Variants in VPS13D observed in about 807,000 individuals in gnomAD.
The protein encoded by VPS13D is vacuolar protein sorting 13 homolog D, also known as intermembrane lipid transfer protein VPS13D.
VPS13D carries 187 observed loss-of-function variants against 461.9 expected under a neutral mutation model. That is an observed-to-expected ratio of 0.40 (90% confidence interval 0.36 to 0.46). VPS13D has a LOEUF of 0.46. Among genes scored for constraint, VPS13D ranks in the 20% least tolerant of loss-of-function variants. The probability of loss-of-function intolerance (pLI) is 0.60; values close to 1 mark genes in which losing one functional copy is unlikely to be tolerated. For missense variants in VPS13D, 4,711 were observed against 5,364.9 expected (o/e 0.88, Z 3.81); for synonymous variants, 1,951 against 1,986.3 (o/e 0.98, Z 0.47).
rs1643598520 is a variant in VPS13D, at chr1:12,342,778, A to G, written c.8733-121A>G. On this transcript the variant is annotated intron_variant, in intron 41 of 69. Transcript: ENST00000620676. ...CAAGGTCATTCTTTGTAGCTAGGTC[A>G]TGCAGCCTTTTATTGCTGGGAATTG... 2.5e-6 allele frequency: 3 copies of G among 1,190,582 alleles called. No individual in the cohort carries two copies. The East Asian group carries it at 7.4e-5, about 29-fold the overall frequency. The allele number at this position is 1,190,582 out of a possible 1,614,324, so 73.8% of individuals were successfully genotyped here. A position where few individuals can be genotyped will look rare whatever the true frequency, so the allele number is the denominator to read the frequency against.
At chr1:12,294,181 TTAG>T (rs1642209263) in intron 24 of VPS13D, among the ~76,000 whole-genome samples, 1 of 152,216 alleles carries the variant, frequency 6.6e-6, no homozygotes, top group South Asian at 2.1e-4. Flanking sequence ...TCCTAACAAC[TTAG>T]TAGGTGTTTG....
chr1:12,244,564 T>C lies in VPS13D; in HGVS notation c.394T>C (p.Tyr132His). ...TGACCGCCAGCAGAAAGGGGAGTCC[T>C]ATTGGTATTCAGTTACCGCCTCCGT... ...KNDRQQKGESYWYSVTASVVT... is the reference protein window; with the variant it reads ...KNDRQQKGESHWYSVTASVVT... Residue 132 changes from tyrosine (Y) to histidine (H), a missense_variant, in exon 5 of 70, where the codon TAT (tyrosine) becomes CAT (histidine). Around this residue, in one of 3 missense-constraint regions of VPS13D, gnomAD observed 4,411 missense variants for 4,937.8 expected, o/e 0.89. Coordinates refer to ENST00000620676, the MANE Select transcript of VPS13D (RefSeq NM_015378.4). 1 of 1,614,258 alleles carries C rather than the reference T, an allele frequency of 6.2e-7. No individual in the cohort carries two copies. The highest frequency in any genetic ancestry group is 8.5e-7 in the Non-Finnish European group (1 of 1,180,032).
chr1:12,476,689 C>G (rs909342923), intron 67 of VPS13D, among the ~76,000 whole-genome samples: 1 of 152,132 alleles, frequency 6.6e-6, no homozygotes. Flanking sequence ...TTAAGTGGTT[C>G]TCTATAACAC....
chr1:12,330,014 C>G, intron 37 of VPS13D, 96 bp downstream of exon 37: 5 of 586,378 alleles, frequency 8.5e-6, no homozygotes, highest in South Asian at 1.8e-5. Flanking sequence ...AAGGAAAGGG[C>G]AGGGGTGGGG....
chr1:12,279,473 C>A lies in VPS13D; in HGVS notation c.4451-26C>A. On this transcript the variant is annotated intron_variant, in intron 19 of 69. Coordinates refer to ENST00000620676, the MANE Select transcript of VPS13D (RefSeq NM_015378.4). The surrounding 1 kb of genome is among the most constrained non-coding windows in gnomAD (Gnocchi z 4.3). ...TGAAGTAAATATTAAGGTTTATGGT[C>A]TATCATTTCATCTCTTTTATGCCAG... 6.4e-7 allele frequency: 1 copy of A among 1,574,222 alleles called. No homozygotes were observed. Among genetic ancestry groups the A allele is most frequent in the South Asian group, 1.2e-5 (1 of 85,920 alleles).
At chr1:12,323,018 C>G (rs1004736237) in intron 34 of VPS13D, among the ~76,000 whole-genome samples, 1 of 152,114 alleles carries the variant, frequency 6.6e-6, no homozygotes, top group Non-Finnish European at 1.5e-5. Flanking sequence ...TGAGAGTTCT[C>G]CTCTGAAATT....
chr1:12,384,349 C>T (rs1224758272), intron 58 of VPS13D, among the ~76,000 whole-genome samples: 6 of 152,116 alleles, frequency 3.9e-5, no homozygotes, highest in African/African-American at 1.4e-4. Context: ...GGATGATAAT[C>T]CAGATCACTA....
intron 7 of VPS13D, among the ~76,000 whole-genome samples, chr1:12,254,516 T>C (rs944646540): frequency 2.6e-4 from 32 of 120,802 alleles, no homozygotes; most frequent in African/African-American, 1.3e-3. Context: ...TCTCAATCTT[T>C]TTTTTTTTTT....
chr1:12,499,275 CT>C (rs1295715758), intron 68 of VPS13D, among the ~76,000 whole-genome samples: 1 of 152,174 alleles, frequency 6.6e-6, no homozygotes, highest in African/African-American at 2.4e-5. Flanking sequence ...TGCCTGGCAT[CT>C]AATAGGTACC....
rs1641711754 is a variant in VPS13D, at chr1:12,279,413, T to G, written c.4451-86T>G. 3 of 1,416,188 alleles carry G rather than the reference T, an allele frequency of 2.1e-6. No homozygotes were observed. Among genetic ancestry groups the G allele is most frequent in the Non-Finnish European group, 2.8e-6 (3 of 1,059,792 alleles). 87.7% of individuals were successfully genotyped at this position (1,416,188 alleles called of 1,614,324 possible). On this transcript the variant is annotated intron_variant, in intron 19 of 69. Coordinates refer to ENST00000620676, the MANE Select transcript of VPS13D (RefSeq NM_015378.4). The surrounding 1 kb of genome is among the most constrained non-coding windows in gnomAD (Gnocchi z 4.3). ...CCTGGTCTAAGTGTAACTCATGGGCTGTATTTTGTATATTCTACGTTTAAT... is the reference window on the plus strand; with the variant it reads ...CCTGGTCTAAGTGTAACTCATGGGCGGTATTTTGTATATTCTACGTTTAAT...
chr1:12,460,057 T>C, intron 66 of VPS13D, 144 bp from the exon 67 acceptor site: 1 of 567,058 alleles, frequency 1.8e-6, no homozygotes, highest in Non-Finnish European at 2.8e-6. Context: ...GATCCTCTTC[T>C]GTGAGTTGGC....
intron 63 of VPS13D, among the ~76,000 whole-genome samples, chr1:12,408,478 C>T (rs890941211): frequency 1.3e-5 from 2 of 152,186 alleles, no homozygotes; most frequent in African/African-American, 2.4e-5. Context: ...ATCCTCTCAC[C>T]TCAGCATCCC....
chr1:12,394,394 T>G (rs556984970), intron 60 of VPS13D, among the ~76,000 whole-genome samples: 1 of 152,348 alleles, frequency 6.6e-6, no homozygotes, highest in African/African-American at 2.4e-5. Context: ...CTATTCTGAT[T>G]GCCACTTTGC....
rs780680462 is a variant in VPS13D, at chr1:12,234,322, A to G, written c.56A>G (p.Asn19Ser). The G allele has an allele frequency of 3.1e-6, 5 of 1,614,132 alleles. No individual in the cohort carries two copies. The highest frequency in any genetic ancestry group is 2.2e-5 in the East Asian group (1 of 44,868). ...VLNTYLGKYVNNLNTDQLSVA... is the reference protein window; with the variant it reads ...VLNTYLGKYVSNLNTDQLSVA... ...AATACCTATTTGGGAAAATATGTCA[A>G]TAACCTGAACACTGACCAGCTCTCA... The change falls in exon 2 of 70, where the codon AAT becomes AGT. Residue 19 changes from asparagine (N) to serine (S), a missense_variant. Physicochemically the swap from Asn to Ser is conservative, Grantham distance 46 (BLOSUM62 1). This residue lies in a region of VPS13D where 4,411 missense variants were observed against 4,937.8 expected (regional missense o/e 0.89). Transcript: ENST00000620676.
chr1:12,243,205 T>A (rs1011469386), intron 3 of VPS13D, among the ~76,000 whole-genome samples: 1 of 152,180 alleles, frequency 6.6e-6, no homozygotes, highest in Non-Finnish European at 1.5e-5. Flanking sequence ...TCTGCCTGTC[T>A]CGGCCTCCCA....
chr1:12,338,363 A>T, intron 40 of VPS13D, 58 bp downstream of exon 40: 1 of 1,544,554 alleles, frequency 6.5e-7, no homozygotes. Context: ...ACTTCCTTGT[A>T]CATCAATTTT....
At chr1:12,327,619 G>T (rs748663165) in intron 35 of VPS13D, 29 bp from the exon 36 acceptor site, 2 of 1,611,922 alleles carry the variant, frequency 1.2e-6, no homozygotes. Flanking sequence ...GAAGCTGGTA[G>T]AACTGATCAC....
chr1:12,432,622 T>C (rs1645007064), intron 65 of VPS13D, among the ~76,000 whole-genome samples: 1 of 151,744 alleles, frequency 6.6e-6, no homozygotes, highest in Non-Finnish European at 1.5e-5. Flanking sequence ...TTTTTTTTTT[T>C]TTTAAGACAG....
At chr1:12,397,931 G>C (rs1320816574) in intron 60 of VPS13D, among the ~76,000 whole-genome samples, 2 of 152,162 alleles carry the variant, frequency 1.3e-5, no homozygotes, top group Non-Finnish European at 2.9e-5. Context: ...AGGTGAGGAT[G>C]GTAGGGAACC....
Sources: allele counts gnomAD v4.1 joint callset (sites outside exome capture counted in the v4.1 genomes callset), GRCh38; gene constraint gnomAD v4.1.1; regional missense constraint gnomAD v4.1.1; non-coding constraint Gnocchi (gnomAD v3.1); transcripts MANE v1.5; gene names NCBI Gene and HGNC (gene_info 2026-07-23, HGNC 2026-07-21).